Variants in ANGPT1 observed in about 807,000 individuals in gnomAD.
ANGPT1 encodes angiopoietin 1, also known as angiopoietin-1.
In ANGPT1, 17 loss-of-function variants were observed where a neutral mutation model predicts 62.2. That is an observed-to-expected ratio of 0.27 (90% CI 0.19 to 0.41). ANGPT1 has a LOEUF of 0.41. Among genes scored for constraint, ANGPT1 ranks in the 10% least tolerant of loss-of-function variants. The probability of loss-of-function intolerance (pLI) is 1.00; values close to 1 mark genes in which losing one functional copy is unlikely to be tolerated. For synonymous variants in ANGPT1, 199 were observed against 198.9 expected (o/e 1.00, Z 0.00); for missense variants, 478 against 594.9 (o/e 0.80, Z 2.04).
At chr8:107,440,493 T>C (rs1026914134) in intron 1 of ANGPT1, among the ~76,000 whole-genome samples, 4 of 152,214 alleles carry the variant, frequency 2.6e-5, no homozygotes, top group Admixed American at 1.3e-4. Flanking sequence ...AATACAAATA[T>C]GCAGATATAC....
intron 6 of ANGPT1, among the ~76,000 whole-genome samples, chr8:107,285,664 T>C (rs73701029): frequency 6.6e-6 from 1 of 152,082 alleles, no homozygotes; most frequent in East Asian, 1.9e-4. Flanking sequence ...GAGAAAAAAG[T>C]GGTCCCAAAA....
rs897358582 is a variant in ANGPT1 at position 107,415,813 on chromosome 8, C to T, written c.298-68716G>A. 2.0e-5 allele frequency among the ~76,000 whole-genome samples: 3 copies of T among 152,230 alleles called. No homozygotes were observed. In the East Asian group the frequency reaches 5.8e-4, roughly 29 times the overall value. On this transcript the variant is annotated intron_variant, in intron 1 of 8. Transcript: ENST00000517746. The stretch of plus-strand genomic sequence containing the variant: ...ATCCCTTCTATGCTTTGAAGCCAAC[C>T]TTTCCCTATATCCAGTATATACTAG...
chr8:107,435,057 G>C (rs1396246066), intron 1 of ANGPT1, among the ~76,000 whole-genome samples: 2 of 152,086 alleles, frequency 1.3e-5, no homozygotes, highest in African/African-American at 2.4e-5. Flanking sequence ...TTTCCCTCAT[G>C]ATGGGGGTGG....
chr8:107,482,010 T>C (rs1812701619), intron 1 of ANGPT1, among the ~76,000 whole-genome samples: 1 of 152,174 alleles, frequency 6.6e-6, no homozygotes, highest in Non-Finnish European at 1.5e-5. Flanking sequence ...AAAAAAAGAC[T>C]GCATTGATAA....
In ANGPT1 at chr8:107,372,277, G is replaced by A. The variant is rs114926133; in HGVS notation, c.298-25180C>T. Among the ~76,000 whole-genome samples the A allele has an allele frequency of 3.8e-3, 580 of 152,020 alleles. 5 individuals carry two copies. Among genetic ancestry groups the A allele is most frequent in the African/African-American group, 0.013 (551 of 41,444 alleles). On this transcript the variant is annotated intron_variant, in intron 1 of 8. Transcript: ENST00000517746. Reference sequence around the variant, plus strand: ...CAAATATTGCCAAATGTCCATTGGTGGCAAAATCATGCCCAGCTGAGAACT... The same window carrying A: ...CAAATATTGCCAAATGTCCATTGGTAGCAAAATCATGCCCAGCTGAGAACT...
intron 1 of ANGPT1, among the ~76,000 whole-genome samples, chr8:107,472,293 T>C (rs1361030476): frequency 3.3e-5 from 5 of 152,044 alleles, no homozygotes. Flanking sequence ...GCAAAGTTAC[T>C]CTTTTTCTGT....
intron 4 of ANGPT1, among the ~76,000 whole-genome samples, chr8:107,309,024 A>G (rs1358370447): frequency 6.6e-6 from 1 of 152,154 alleles, no homozygotes; most frequent in Non-Finnish European, 1.5e-5. Flanking sequence ...AACTTCCTGG[A>G]ATGTGGAATT....
At chr8:107,256,334 C>T (rs746431455) in intron 8 of ANGPT1, among the ~76,000 whole-genome samples, 17 of 152,108 alleles carry the variant, frequency 1.1e-4, no homozygotes, top group Admixed American at 2.6e-4. Flanking sequence ...ATAATTTGTT[C>T]GTATCAAATA....
intron 3 of ANGPT1, among the ~76,000 whole-genome samples, chr8:107,328,831 T>G (rs1815351170): frequency 6.6e-6 from 1 of 151,918 alleles, no homozygotes; most frequent in Non-Finnish European, 1.5e-5. Context: ...GAAGGTAAAA[T>G]GTGAAGATAA....
intron 1 of ANGPT1, among the ~76,000 whole-genome samples, chr8:107,372,293 G>C (rs1394874395): frequency 6.6e-6 from 1 of 152,046 alleles, no homozygotes; most frequent in Admixed American, 6.6e-5. Context: ...ATCATGCCCA[G>C]CTGAGAACTA....
chr8:107,427,067 T>C (rs1459747743), intron 1 of ANGPT1, among the ~76,000 whole-genome samples: 1 of 152,208 alleles, frequency 6.6e-6, no homozygotes, highest in Non-Finnish European at 1.5e-5. Flanking sequence ...AAAAAGAATA[T>C]GGGTCCACAC....
intron 1 of ANGPT1, among the ~76,000 whole-genome samples, chr8:107,361,281 C>T (rs888353531): frequency 6.6e-6 from 1 of 151,738 alleles, no homozygotes; most frequent in African/African-American, 2.4e-5. Context: ...GTGTTTTCTT[C>T]TTTACTAAAC....
At chr8:107,318,057 A>G (rs923572298) in intron 4 of ANGPT1, among the ~76,000 whole-genome samples, 6 of 152,216 alleles carry the variant, frequency 3.9e-5, no homozygotes, top group Non-Finnish European at 8.8e-5. Context: ...GTAATTTTGA[A>G]TTGCCAAAAA....
chr8:107,335,481 A>C (rs1314771244), intron 3 of ANGPT1, among the ~76,000 whole-genome samples: 1 of 152,092 alleles, frequency 6.6e-6, no homozygotes, highest in Non-Finnish European at 1.5e-5. Flanking sequence ...AAAATAATAC[A>C]CTCTTTCATT....
chr8:107,355,632 T>C (rs1172316802), intron 1 of ANGPT1, among the ~76,000 whole-genome samples: 1 of 151,214 alleles, frequency 6.6e-6, no homozygotes, highest in Non-Finnish European at 1.5e-5. Flanking sequence ...TCTTTGCATA[T>C]GACTTTGCTC....
intron 1 of ANGPT1, among the ~76,000 whole-genome samples, chr8:107,432,180 G>C (rs920427423): frequency 2.0e-5 from 3 of 150,182 alleles, no homozygotes; most frequent in African/African-American, 7.3e-5. Flanking sequence ...CTTTTAAAAA[G>C]AGAATACTTC....
chr8:107,431,734 C>CT (rs5893864), intron 1 of ANGPT1, among the ~76,000 whole-genome samples: 26 of 149,350 alleles, frequency 1.7e-4, no homozygotes, highest in South Asian at 8.5e-4. Context: ...ACTACTCTGT[C>CT]TTTTTTTTTT....
chr8:107,327,109 T>C (rs918298295), intron 3 of ANGPT1, among the ~76,000 whole-genome samples: 5 of 152,174 alleles, frequency 3.3e-5, no homozygotes, highest in Non-Finnish European at 2.9e-5. Context: ...TTCCCACGTA[T>C]AAAAACAGAA....
At chr8:107,366,467 A>T (rs1816275482) in intron 1 of ANGPT1, among the ~76,000 whole-genome samples, 1 of 152,150 alleles carries the variant, frequency 6.6e-6, no homozygotes, top group South Asian at 2.1e-4. Context: ...AACTGGCAAA[A>T]CCTGAAATAC....
Sources: allele counts gnomAD v4.1 joint callset (sites outside exome capture counted in the v4.1 genomes callset), GRCh38; gene constraint gnomAD v4.1.1; transcripts MANE v1.5; gene names NCBI Gene and HGNC (gene_info 2026-07-23, HGNC 2026-07-21).